CCDC88A: variants seen among roughly 807,000 people sequenced by gnomAD.
CCDC88A encodes the protein girdin.
Under a neutral mutation model 234.3 loss-of-function variants are expected in CCDC88A, and 54 were observed. That is an observed-to-expected ratio of 0.23 (90% CI 0.19 to 0.29). CCDC88A has a LOEUF of 0.29. Ranked by LOEUF, CCDC88A falls within the 10% of genes least tolerant of loss-of-function variation. CCDC88A has a pLI of 1.00. For synonymous variants in CCDC88A, 753 were observed against 737.8 expected, an observed-to-expected ratio of 1.02 and a Z score of -0.33; for missense variants, 1,832 against 2,123.4, an observed-to-expected ratio of 0.86 and a Z score of 2.70.
chr2:55,346,228 T>A lies in CCDC88A; in HGVS notation c.988A>T (p.Ser330Cys), dbSNP rs2104730025. The change falls in exon 10 of 33, where the codon AGC becomes TGC. Residue 330 changes from serine (S) to cysteine (C), a missense_variant. By Grantham distance (112) the Ser-to-Cys change is moderately radical. Around this residue, in one of 6 missense-constraint regions of CCDC88A, gnomAD observed 1,282 missense variants for 1,543.6 expected, o/e 0.83. Transcript: ENST00000436346. ...TCATGTAGTCTCTCTTTATATCTGC[T>A]GACTTCACTTTCAAGCTTATCGACT... ...VRVDKLESEV[S>C]RYKERLHDIE... 2 of 1,612,010 alleles carry A rather than the reference T, an allele frequency of 1.2e-6. No homozygotes were observed. The highest frequency in any genetic ancestry group is 2.7e-5 in the African/African-American group (2 of 75,014).
intron 10 of CCDC88A, among the ~76,000 whole-genome samples, chr2:55,345,010 C>G (rs1189541018): frequency 6.6e-6 from 1 of 152,052 alleles, no homozygotes; most frequent in African/African-American, 2.4e-5. Context: ...ATAAATACAC[C>G]TTGAGGAAAT....
At chr2:55,312,743 C>T in intron 22 of CCDC88A, 164 bp from the exon 23 acceptor site, 2 of 543,882 alleles carry the variant, frequency 3.7e-6, no homozygotes, top group Non-Finnish European at 3.3e-6. Flanking sequence ...ACACCTACAG[C>T]ACTGGGTTAC....
chr2:55,303,468 C>G (rs1681144712), intron 25 of CCDC88A, among the ~76,000 whole-genome samples: 2 of 150,898 alleles, frequency 1.3e-5, no homozygotes. Context: ...TCTCGGCTCA[C>G]TGCAACCTCC....
rs1482521650 is a variant in CCDC88A at position 55,289,016 on chromosome 2, A to G, written c.*2184T>C. 1.3e-5 allele frequency: 2 copies of G among 152,598 alleles called. No individual in the cohort carries two copies. Among genetic ancestry groups the G allele is most frequent in the Non-Finnish European group, 2.9e-5 (2 of 68,018 alleles). The allele number at this position is 152,598 out of a possible 1,614,324, so 9.5% of individuals were successfully genotyped here. On this transcript the variant is annotated 3_prime_UTR_variant, in exon 33 of 33. Transcript: ENST00000436346. ...TAATTGAGATTATTCATATTTTTGT[A>G]GTCTCAATGTGTTCCCTTGGTTGTC... is the stretch of plus-strand genomic sequence containing the variant.
chr2:55,334,105 TA>T lies in CCDC88A; in HGVS notation c.2715del (p.Thr906HisfsTer7). On this transcript the variant is annotated frameshift_variant, in exon 15 of 33. Coordinates refer to ENST00000436346, the MANE Select transcript of CCDC88A (RefSeq NM_001365480.1). LOFTEE classifies it high-confidence loss of function. This position sits in a 1 kb window ranked among gnomAD's most constrained non-coding sequence, Gnocchi z 6.1. Reference protein sequence around the residue: ...KRATIDIKTLVTLREDLVSEK... With the variant: ...KRATIDIKTLXTLREDLVSEK... ...GTAAACATATTTACCTCACGTAGTG[TA>T]ACCAACGTTTTTATATCAATAGTTG... is the stretch of plus-strand genomic sequence containing the variant. 1 of 1,299,066 alleles carries T rather than the reference TA, an allele frequency of 7.7e-7. No individual in the cohort carries two copies. The highest frequency in any genetic ancestry group is 9.9e-7 in the Non-Finnish European group (1 of 1,008,364). The allele number at this position is 1,299,066 out of a possible 1,614,324, so 80.5% of individuals were successfully genotyped here. A position where few individuals can be genotyped will look rare whatever the true frequency, so the allele number is the denominator to read the frequency against.
chr2:55,407,719 A>ATTTT (rs750235181), intron 2 of CCDC88A, among the ~76,000 whole-genome samples: 9 of 138,536 alleles, frequency 6.5e-5, no homozygotes, highest in Admixed American at 3.6e-4. Context: ...TTCTAGTTTA[A>ATTTT]TTTTTTTTTT....
At chr2:55,339,336 T>A in intron 13 of CCDC88A, 128 bp downstream of exon 13, 1 of 858,104 alleles carries the variant, frequency 1.2e-6, no homozygotes, top group Admixed American at 3.2e-5. Context: ...TTGTGTATAT[T>A]TGAAAATTTT....
chr2:55,327,404 G>A (rs565260291), intron 17 of CCDC88A, among the ~76,000 whole-genome samples: 4 of 152,268 alleles, frequency 2.6e-5, no homozygotes, highest in African/African-American at 7.2e-5. Context: ...TGCTGCAAGA[G>A]GTAATGACTG....
chr2:55,359,618 T>C (rs1473561541), intron 7 of CCDC88A, among the ~76,000 whole-genome samples: 1 of 150,408 alleles, frequency 6.6e-6, no homozygotes, highest in Non-Finnish European at 1.5e-5. Context: ...TAGAAATATA[T>C]ACTATATGCT....
chr2:55,414,152 T>G (rs1351907683), intron 2 of CCDC88A, among the ~76,000 whole-genome samples: 1 of 152,204 alleles, frequency 6.6e-6, no homozygotes, highest in African/African-American at 2.4e-5. Flanking sequence ...AATATTGTTC[T>G]GATACTATTA....
chr2:55,326,170 CTT>C (rs70949102), intron 17 of CCDC88A, among the ~76,000 whole-genome samples: 10 of 147,484 alleles, frequency 6.8e-5, no homozygotes, highest in African/African-American at 7.4e-5. Flanking sequence ...CCTGTTTCTT[CTT>C]TTTTTTTTTG....
intron 13 of CCDC88A, chr2:55,337,175 G>C (rs1667903159): frequency 6.0e-6 from 1 of 166,178 alleles, no homozygotes; most frequent in African/African-American, 2.4e-5. Context: ...CTTATACTCA[G>C]AGAATTTCAG....
At chr2:55,378,098 ACT>A (rs977669672) in intron 3 of CCDC88A, among the ~76,000 whole-genome samples, 38 of 152,346 alleles carry the variant, frequency 2.5e-4, no homozygotes, top group African/African-American at 9.1e-4. Context: ...ATGTTGGTAC[ACT>A]GTTATAAGCA....
intron 2 of CCDC88A, among the ~76,000 whole-genome samples, chr2:55,408,006 C>G (rs767351506): frequency 6.6e-6 from 1 of 151,990 alleles, no homozygotes; most frequent in East Asian, 1.9e-4. Context: ...GTGTGAGCCA[C>G]CGCGCCTGGC....
At chr2:55,311,687 A>T (rs1284291242) in intron 23 of CCDC88A, among the ~76,000 whole-genome samples, 1 of 152,206 alleles carries the variant, frequency 6.6e-6, no homozygotes, top group Non-Finnish European at 1.5e-5. Flanking sequence ...GGCAAAGAGA[A>T]GAGATGTATT....
At position 55,288,911 on chromosome 2, in the gene CCDC88A, T is replaced by C. The variant is rs1039057208; in HGVS notation, c.*2289A>G. 2 of 152,224 alleles carry C rather than the reference T, an allele frequency of 1.3e-5. No individual in the cohort carries two copies. Among genetic ancestry groups the C allele is most frequent in the South Asian group, 4.1e-4 (2 of 4,834 alleles). The allele number at this position is 152,224 out of a possible 1,614,324, so 9.4% of individuals were successfully genotyped here. ...CCTACAAAGTTTGCTTCTCAAGGTA[T>C]ACTGGAGAAAGTAAAATATTCATGT... On this transcript the variant is annotated 3_prime_UTR_variant, in exon 33 of 33. Coordinates refer to ENST00000436346, the MANE Select transcript of CCDC88A (RefSeq NM_001365480.1).
intron 2 of CCDC88A, among the ~76,000 whole-genome samples, chr2:55,407,144 G>A (rs1433976532): frequency 1.3e-5 from 2 of 151,116 alleles, no homozygotes; most frequent in African/African-American, 4.9e-5. Flanking sequence ...AGACTGGGAG[G>A]TCAAGGATGC....
At chr2:55,350,396 T>G (rs1233822585) in intron 8 of CCDC88A, 1 of 152,094 alleles carries the variant, frequency 6.6e-6, no homozygotes, top group East Asian at 1.9e-4. Flanking sequence ...ATCCTCAAAT[T>G]TCTTCTATTA....
chr2:55,295,000 C>G, intron 31 of CCDC88A: 3 of 1,200,368 alleles, frequency 2.5e-6, no homozygotes, highest in Non-Finnish European at 3.2e-6. Context: ...AGCAACTTTT[C>G]AAATCATATT....
Sources: gnomAD v4.1 joint callset for allele counts (sites outside exome capture counted in the v4.1 genomes callset) on GRCh38, gnomAD v4.1.1 for gene constraint, gnomAD v4.1.1 regional missense constraint, Gnocchi (gnomAD v3.1) non-coding constraint, MANE v1.5 for transcripts, NCBI Gene and HGNC (gene_info 2026-07-23, HGNC 2026-07-21) for gene names.